ATRX: variants seen among roughly 807,000 people sequenced by gnomAD.
ATRX encodes chromatin remodeler ATRX.
In ATRX, 12 loss-of-function variants were observed where a neutral mutation model predicts 172.6. That is an observed-to-expected ratio of 0.07 (90% CI 0.04 to 0.11). ATRX has a LOEUF of 0.11. Among genes scored for constraint, ATRX ranks in the 10% least tolerant of loss-of-function variants. ATRX has a pLI of 1.00. For missense variants in ATRX, 1,368 were observed against 1,767.4 expected (o/e 0.77, Z 4.05); for synonymous variants, 674 against 594.7 (o/e 1.13, Z -1.94).
chrX:77,609,160 T>C (rs2067048169), intron 22 of ATRX, among the ~76,000 whole-genome samples: 1 of 111,506 alleles, frequency 9.0e-6, no homozygotes, highest in Non-Finnish European at 1.9e-5. Context: ...ACAACCACTA[T>C]GGAGAAAAGT....
intron 1 of ATRX, among the ~76,000 whole-genome samples, chrX:77,722,533 T>G (rs1180072093): frequency 9.0e-6 from 1 of 111,118 alleles, no homozygotes; most frequent in African/African-American, 3.3e-5. Context: ...GGGCAAAGGA[T>G]ATGAACAGAC....
chrX:77,703,984 T>C (rs562114766), intron 2 of ATRX, among the ~76,000 whole-genome samples: 2 of 110,720 alleles, frequency 1.8e-5, no homozygotes, highest in Admixed American at 1.9e-4. Flanking sequence ...TGTTCAGCTA[T>C]CAGCAGAGAG....
chrX:77,634,652 T>C lies in ATRX; in HGVS notation c.4751A>G (p.Lys1584Arg). Reference sequence around the variant, plus strand: ...AAGAATGCATCCTGAACCTGGAGATTTCTTTGTTTTTTTCACAGACTCACA... The same window carrying C: ...AAGAATGCATCCTGAACCTGGAGATCTCTTTGTTTTTTTCACAGACTCACA... ...CCCESVKKTK[K>R]SPGSGCILAH... Residue 1584 changes from lysine to arginine, a missense_variant, in exon 17 of 35, where the codon AAA becomes AGA. Coordinates refer to ENST00000373344, the MANE Select transcript of ATRX (RefSeq NM_000489.6). 2 of 1,211,422 alleles carry C rather than the reference T, an allele frequency of 1.7e-6. No individual in the cohort carries two copies. Among genetic ancestry groups the C allele is most frequent in the Non-Finnish European group, 2.2e-6 (2 of 895,337 alleles).
At chrX:77,746,115 G>A (rs1274980433) in intron 1 of ATRX, among the ~76,000 whole-genome samples, 1 of 111,156 alleles carries the variant, frequency 9.0e-6, no homozygotes, top group Non-Finnish European at 1.9e-5. Flanking sequence ...TGGACGTAGA[G>A]CATGGAATGA....
intron 28 of ATRX, among the ~76,000 whole-genome samples, chrX:77,568,741 A>C (rs2147997780): frequency 8.9e-6 from 1 of 111,829 alleles, no homozygotes; most frequent in South Asian, 3.8e-4. Flanking sequence ...GTACTATATA[A>C]AAAGAATTAT....
chrX:77,635,476 G>A (rs1190644741), intron 16 of ATRX, among the ~76,000 whole-genome samples: 2 of 111,292 alleles, frequency 1.8e-5, no homozygotes, highest in African/African-American at 6.5e-5. Flanking sequence ...TCAAAAGGTA[G>A]GAACTACAGA....
intron 2 of ATRX, among the ~76,000 whole-genome samples, chrX:77,707,210 G>C (rs1424927616): frequency 8.9e-6 from 1 of 112,114 alleles, no homozygotes; most frequent in Non-Finnish European, 1.9e-5. Flanking sequence ...AGGCTAAGGA[G>C]AGGGAAGATT....
At position 77,706,942 on chromosome X, in the gene ATRX, A is replaced by G. The variant is rs1013997933; in HGVS notation, c.134-8313T>C. Among the ~76,000 whole-genome samples, 8 of 111,628 alleles carry G rather than the reference A, an allele frequency of 7.2e-5. No homozygotes were observed. The Admixed American group carries it at 7.7e-4, about 11-fold the overall frequency. Reference sequence around the variant, plus strand: ...AAAGACAACTCAAAGAATAGGGGAAAATATTTCCAAATTATATATCTTATC... The same window carrying G: ...AAAGACAACTCAAAGAATAGGGGAAGATATTTCCAAATTATATATCTTATC... On this transcript the variant is annotated intron_variant, in intron 2 of 34. Transcript: ENST00000373344.
chrX:77,734,208 AATACATACATACATACATAC>A (rs201853848), intron 1 of ATRX, among the ~76,000 whole-genome samples: 17 of 92,000 alleles, frequency 1.8e-4, no homozygotes, highest in Non-Finnish European at 3.3e-4. Flanking sequence ...TTCTGTCTCA[AATACATACATACATACATAC>A]ATACATACAT....
chrX:77,568,688 T>C (rs1557065864), intron 28 of ATRX, among the ~76,000 whole-genome samples: 1 of 111,360 alleles, frequency 9.0e-6, no homozygotes, highest in African/African-American at 3.3e-5. Context: ...TAAGAGTAAC[T>C]CTCATAAATA....
At chrX:77,731,545 GCT>G (rs1210372786) in intron 1 of ATRX, among the ~76,000 whole-genome samples, 1 of 111,447 alleles carries the variant, frequency 9.0e-6, no homozygotes, top group Non-Finnish European at 1.9e-5. Context: ...CTGTTTGTCC[GCT>G]CTCTCCCGAT....
Position 77,527,210 on chromosome X carries a change from C to T in ATRX, c.6700-3809G>A, listed in dbSNP as rs782401119. 7.1e-5 allele frequency among the ~76,000 whole-genome samples: 8 copies of T among 112,013 alleles called. No homozygotes were observed. In the South Asian group the frequency reaches 3.0e-3, roughly 42 times the overall value. On this transcript the variant is annotated intron_variant, in intron 30 of 34. Transcript: ENST00000373344. The stretch of plus-strand genomic sequence containing the variant: ...CATAAAAATGGAACTGGACAAAGGG[C>T]AAGATGGCTGATGAGAAGCAGCTGT...
chrX:77,720,215 C>T (rs1187357444), intron 1 of ATRX, among the ~76,000 whole-genome samples: 1 of 111,706 alleles, frequency 9.0e-6, no homozygotes, highest in East Asian at 2.8e-4. Flanking sequence ...TAAATGCCCA[C>T]AAGAGAAAGC....
chrX:77,667,821 A>T (rs367578684), intron 10 of ATRX, among the ~76,000 whole-genome samples: 1 of 112,057 alleles, frequency 8.9e-6, no homozygotes, highest in East Asian at 2.8e-4. Context: ...CAGTAAGATC[A>T]TAACATATAG....
At chrX:77,719,331 A>G (rs2073619466) in intron 1 of ATRX, among the ~76,000 whole-genome samples, 1 of 111,881 alleles carries the variant, frequency 8.9e-6, no homozygotes, top group South Asian at 3.7e-4. Context: ...CCAATGGCCA[A>G]TAAGCACATG....
rs781800065 is a variant in ATRX at position 77,651,884 on chromosome X, C to T, written c.4557+230G>A. 16 of 394,977 alleles carry T rather than the reference C, an allele frequency of 4.1e-5. No individual in the cohort carries two copies. The East Asian group carries it at 6.0e-4, about 15-fold the overall frequency. 32.6% of individuals were successfully genotyped at this position (394,977 alleles called of 1,213,427 possible). A position where few individuals can be genotyped will look rare whatever the true frequency, so the allele number is the denominator to read the frequency against. ...AAAAAAAGAAATCTGTGGTAGATTA[C>T]AACATTCTACTCTTAAAATGCTGAA... On this transcript the variant is annotated intron_variant, in intron 15 of 34. Transcript: ENST00000373344.
At chrX:77,697,891 T>A (rs782702034) in intron 3 of ATRX, among the ~76,000 whole-genome samples, 1 of 112,108 alleles carries the variant, frequency 8.9e-6, no homozygotes, top group Admixed American at 9.5e-5. Flanking sequence ...TCTCGTTTTT[T>A]ACATGGTTGC....
In ATRX at chrX:77,683,136, G is replaced by C. The variant is rs782486408; in HGVS notation, c.2120C>G (p.Ala707Gly). 8.3e-7 allele frequency: 1 copy of C among 1,210,418 alleles called. No homozygotes were observed. Among genetic ancestry groups the C allele is most frequent in the Admixed American group, 2.2e-5 (1 of 45,963 alleles). ...TTTATTAGGCTTAGGATTATCTATA[G>C]CACTGTCAGAAGAATTACGCTTATC... ...KKDKRNSSDS[A>G]IDNPKPNKLP... Residue 707 changes from alanine (A) to glycine (G), a missense_variant, in exon 9 of 35, where the codon GCT becomes GGT. Ala to Gly is a moderately conservative substitution (Grantham distance 60). Transcript: ENST00000373344.
chrX:77,702,882 A>C (rs782141207), intron 2 of ATRX, among the ~76,000 whole-genome samples: 64 of 111,133 alleles, frequency 5.8e-4, no homozygotes, highest in South Asian at 3.4e-3. Flanking sequence ...ACATGCCACC[A>C]TGCCTGGCTG....
Sources: allele counts gnomAD v4.1 joint callset (sites outside exome capture counted in the v4.1 genomes callset), GRCh38; gene constraint gnomAD v4.1.1; transcripts MANE v1.5; gene names NCBI Gene and HGNC (gene_info 2026-07-23, HGNC 2026-07-21).